The following ELOVL2 variants were observed in gnomAD, a reference collection of about 807,000 sequenced individuals.
ELOVL2 encodes the protein ELOVL fatty acid elongase 2.
Under a neutral mutation model 37.7 loss-of-function variants are expected in ELOVL2, and 38 were observed. The observed-to-expected ratio is 1.01, with a 90% CI of 0.78 to 1.32. ELOVL2 has a LOEUF of 1.32. Ranked by LOEUF, ELOVL2 falls within the 40% of genes most tolerant of loss-of-function variation. ELOVL2 has a pLI of 0.00. For missense variants in ELOVL2, 352 were observed against 363.6 expected (o/e 0.97, Z 0.26); for synonymous variants, 115 against 122.3 (o/e 0.94, Z 0.40).
intron 1 of ELOVL2, among the ~76,000 whole-genome samples, chr6:11,013,006 A>G (rs923306642): frequency 1.3e-5 from 2 of 152,248 alleles, no homozygotes; most frequent in African/African-American, 4.8e-5. Flanking sequence ...TGGAAGAGAT[A>G]ATGCTGTGGC....
At chr6:11,014,015 C>T (rs2113529307) in intron 1 of ELOVL2, among the ~76,000 whole-genome samples, 1 of 152,278 alleles carries the variant, frequency 6.6e-6, no homozygotes, top group African/African-American at 2.4e-5. Flanking sequence ...ACTCCTTGCC[C>T]TTACAAGAAA....
At chr6:11,006,075 T>C (rs1414998066) in intron 2 of ELOVL2, among the ~76,000 whole-genome samples, 1 of 152,202 alleles carries the variant, frequency 6.6e-6, no homozygotes, top group Non-Finnish European at 1.5e-5. Flanking sequence ...ATATCGATAC[T>C]GTATCCTAAT....
chr6:11,039,378 T>C (rs1783064586), intron 1 of ELOVL2, among the ~76,000 whole-genome samples: 1 of 152,204 alleles, frequency 6.6e-6, no homozygotes, highest in Admixed American at 6.5e-5. Context: ...TCAAGTTTCA[T>C]TGCTATTGTG....
chr6:10,990,853 C>G (rs893462812), intron 5 of ELOVL2, among the ~76,000 whole-genome samples: 1 of 152,164 alleles, frequency 6.6e-6, no homozygotes, highest in Non-Finnish European at 1.5e-5. Flanking sequence ...GACAAAGAGC[C>G]TTTTGTACAT....
Position 11,044,127 on chromosome 6 carries a change from C to T in ELOVL2, c.3+101G>A. The T allele has an allele frequency of 7.5e-7, 1 of 1,328,732 alleles. No homozygotes were observed. The highest frequency in any genetic ancestry group is 1.7e-5 in the South Asian group (1 of 57,700). The allele number at this position is 1,328,732 out of a possible 1,614,324, so 82.3% of individuals were successfully genotyped here. A position where few individuals can be genotyped will look rare whatever the true frequency, so the allele number is the denominator to read the frequency against. On this transcript the variant is annotated intron_variant, in intron 1 of 7. Transcript: ENST00000354666. The surrounding 1 kb of genome is among the most constrained non-coding windows in gnomAD (Gnocchi z 5.6). ...GCGGGTTCCAGCGGCGAACCCGCAG[C>T]GCCCGCGCCGGCGCCCGCTCGGCCC...
At chr6:11,020,149 T>G (rs1185056821) in intron 1 of ELOVL2, among the ~76,000 whole-genome samples, 1 of 151,528 alleles carries the variant, frequency 6.6e-6, no homozygotes, top group Non-Finnish European at 1.5e-5. Context: ...AAATGACTTA[T>G]AGAGGAAAGT....
intron 3 of ELOVL2, among the ~76,000 whole-genome samples, chr6:11,002,801 C>T (rs1782413390): frequency 6.6e-6 from 1 of 152,216 alleles, no homozygotes. Flanking sequence ...AGTCCATAGG[C>T]TCTTCAAGTG....
chr6:11,044,098 G>T lies in ELOVL2; in HGVS notation c.3+130C>A. ...CCCGCGCGGACCCGGCCCCTCCGAG[G>T]GTAGCGGGTTCCAGCGGCGAACCCG... On this transcript the variant is annotated intron_variant, in intron 1 of 7. Transcript: ENST00000354666. The surrounding 1 kb of genome is among the most constrained non-coding windows in gnomAD (Gnocchi z 5.6). The T allele has an allele frequency of 1.7e-6, 2 of 1,197,712 alleles. No individual in the cohort carries two copies. Among genetic ancestry groups the T allele is most frequent in the Non-Finnish European group, 2.2e-6 (2 of 928,006 alleles). 74.2% of individuals were successfully genotyped at this position (1,197,712 alleles called of 1,614,324 possible).
rs1781932264 is a variant in ELOVL2, at chr6:10,981,344, T to C, written c.*2437A>G. On this transcript the variant is annotated 3_prime_UTR_variant, in exon 8 of 8. Coordinates refer to ENST00000354666, the MANE Select transcript of ELOVL2 (RefSeq NM_017770.4). ...TAGAAAAATCACATTAAAATAAGCATTTTGGTTTTTTGAAGTTACAACACT... is the reference window on the plus strand; with the variant it reads ...TAGAAAAATCACATTAAAATAAGCACTTTGGTTTTTTGAAGTTACAACACT... The C allele has an allele frequency of 6.6e-6, 1 of 152,626 alleles. No individual in the cohort carries two copies. Among genetic ancestry groups the C allele is most frequent in the South Asian group, 2.1e-4 (1 of 4,832 alleles). The allele number at this position is 152,626 out of a possible 1,614,324, so 9.5% of individuals were successfully genotyped here. A position where few individuals can be genotyped will look rare whatever the true frequency, so the allele number is the denominator to read the frequency against.
At chr6:11,023,832 T>C (rs1561725712) in intron 1 of ELOVL2, among the ~76,000 whole-genome samples, 1 of 152,180 alleles carries the variant, frequency 6.6e-6, no homozygotes, top group Non-Finnish European at 1.5e-5. Flanking sequence ...TGAGTACCAT[T>C]AGGAGGAAAA....
rs1782099576 is a variant in ELOVL2 at position 10,989,140 on chromosome 6, C to G, written c.765+563G>C. 2.0e-5 allele frequency among the ~76,000 whole-genome samples: 3 copies of G among 151,966 alleles called. No individual in the cohort carries two copies. In the South Asian group the frequency reaches 6.2e-4, roughly 32 times the overall value. On this transcript the variant is annotated intron_variant, in intron 7 of 7. Coordinates refer to ENST00000354666, the MANE Select transcript of ELOVL2 (RefSeq NM_017770.4). Reference sequence around the variant, plus strand: ...CAAATTGAGAACTGTATATATAATCCAATGATATTTTTGATAAAACCTTAT... The same window carrying G: ...CAAATTGAGAACTGTATATATAATCGAATGATATTTTTGATAAAACCTTAT...
intron 3 of ELOVL2, among the ~76,000 whole-genome samples, chr6:11,003,764 C>T (rs1168587198): frequency 3.9e-5 from 6 of 152,292 alleles, no homozygotes; most frequent in East Asian, 1.9e-4. Context: ...CAAGTAGATT[C>T]GTGAGCACCT....
At chr6:10,997,510 C>A (rs756828773) in intron 4 of ELOVL2, among the ~76,000 whole-genome samples, 11 of 152,182 alleles carry the variant, frequency 7.2e-5, no homozygotes, top group Non-Finnish European at 1.5e-4. Flanking sequence ...GTTTTTAAGT[C>A]TCTTCTAACC....
At chr6:11,021,544 GA>G (rs1478187880) in intron 1 of ELOVL2, among the ~76,000 whole-genome samples, 1 of 152,058 alleles carries the variant, frequency 6.6e-6, no homozygotes, top group Non-Finnish European at 1.5e-5. Context: ...TAGGAAGAGA[GA>G]ACAGAGACAA....
At chr6:11,022,783 A>G (rs1478506869) in intron 1 of ELOVL2, among the ~76,000 whole-genome samples, 2 of 152,084 alleles carry the variant, frequency 1.3e-5, no homozygotes, top group African/African-American at 4.8e-5. Flanking sequence ...ACCAAGTTTA[A>G]GGAAACTCAC....
intron 1 of ELOVL2, chr6:11,015,848 G>T (rs140230291): frequency 6.6e-6 from 1 of 152,150 alleles, no homozygotes; most frequent in East Asian, 1.9e-4. Context: ...ACAAACCAGG[G>T]CATCTCAAAT....
chr6:11,032,342 C>CAA (rs4053074), intron 1 of ELOVL2, among the ~76,000 whole-genome samples: 1 of 119,216 alleles, frequency 8.4e-6, no homozygotes, highest in Non-Finnish European at 1.8e-5. Flanking sequence ...GTTTCCTATA[C>CAA]AAAAAAAAAA....
intron 4 of ELOVL2, among the ~76,000 whole-genome samples, chr6:10,995,869 C>A (rs1462815517): frequency 6.6e-6 from 1 of 152,170 alleles, no homozygotes; most frequent in Non-Finnish European, 1.5e-5. Flanking sequence ...TTATTTGTTA[C>A]ATTAAATTAT....
Position 10,982,370 on chromosome 6 carries a change from GT to G in ELOVL2, c.*1410del, listed in dbSNP as rs538972465. On this transcript the variant is annotated 3_prime_UTR_variant, in exon 8 of 8. Coordinates refer to ENST00000354666, the MANE Select transcript of ELOVL2 (RefSeq NM_017770.4). ...GTGGAAATGCCTTTCTGGTGTGCAT[GT>G]ATTTGATGTCAGTGTCAGGACCTAA... 2 of 152,246 alleles carry G rather than the reference GT, an allele frequency of 1.3e-5. No homozygotes were observed. The highest frequency in any genetic ancestry group is 4.1e-4 in the South Asian group (2 of 4,820). The allele number at this position is 152,246 out of a possible 1,614,324, so 9.4% of individuals were successfully genotyped here. A position where few individuals can be genotyped will look rare whatever the true frequency, so the allele number is the denominator to read the frequency against.
Sources: allele counts gnomAD v4.1 joint callset (sites outside exome capture counted in the v4.1 genomes callset), GRCh38; gene constraint gnomAD v4.1.1; non-coding constraint Gnocchi (gnomAD v3.1); transcripts MANE v1.5; gene names NCBI Gene and HGNC (gene_info 2026-07-23, HGNC 2026-07-21).